ABCA1: variants seen among roughly 807,000 people sequenced by gnomAD.
ABCA1 encodes the protein ATP binding cassette subfamily A member 1, also known as phospholipid-transporting ATPase ABCA1.
A neutral mutation model predicts 262.5 loss-of-function variants in ABCA1; 133 were observed. The observed-to-expected ratio is 0.51, with a 90% confidence interval of 0.44 to 0.59. The LOEUF (loss-of-function observed/expected upper bound fraction) is 0.59. ABCA1 is among the 20% of genes least tolerant of loss of function. ABCA1 has a pLI of 0.00. For missense variants in ABCA1, 2,452 were observed against 2,777.5 expected (o/e 0.88, Z 2.63); for synonymous variants, 1,022 against 1,043.5 (o/e 0.98, Z 0.40).
At chr9:104,871,597 C>A (rs1249954488) in intron 5 of ABCA1, among the ~76,000 whole-genome samples, 2 of 152,008 alleles carry the variant, frequency 1.3e-5, no homozygotes, top group Non-Finnish European at 2.9e-5. Context: ...AATTTTGGAC[C>A]TGAACAGAAT....
Position 104,798,115 on chromosome 9 carries a change from G to C in ABCA1, c.5121+306C>G, listed in dbSNP as rs116060323. Among the ~76,000 whole-genome samples, 1,259 of 152,314 alleles carry C rather than the reference G, an allele frequency of 8.3e-3. 21 individuals are homozygous for C. The highest frequency in any genetic ancestry group is 0.028 in the African/African-American group (1,154 of 41,574). ...ACCCATCAGAGAAGTTAGAGGCATT[G>C]ACTTGGAGTTTTGACTTGTATCTCT... On this transcript the variant is annotated intron_variant, in intron 37 of 49. Coordinates refer to ENST00000374736, the MANE Select transcript of ABCA1 (RefSeq NM_005502.4).
intron 1 of ABCA1, among the ~76,000 whole-genome samples, chr9:104,910,084 G>A (rs2777795): frequency 0.092 from 14,002 of 152,120 alleles, 857 homozygotes; most frequent in South Asian, 0.21. Context: ...GGCTCCTATC[G>A]AAGGGTGACA....
At chr9:104,894,738 C>G (rs1451651848) in intron 2 of ABCA1, among the ~76,000 whole-genome samples, 1 of 152,238 alleles carries the variant, frequency 6.6e-6, no homozygotes, top group African/African-American at 2.4e-5. Context: ...GACACCTGCT[C>G]TCTCAAAGCC....
rs752266281 is a variant in ABCA1 at position 104,861,815 on chromosome 9, T to C, written c.422-15A>G. 68 of 1,608,114 alleles carry C rather than the reference T, an allele frequency of 4.2e-5. No individual in the cohort carries two copies. The highest frequency in any genetic ancestry group is 5.7e-5 in the Non-Finnish European group (67 of 1,177,670). On this transcript the variant is annotated splice_polypyrimidine_tract_variant and intron_variant, in intron 5 of 49. Coordinates refer to ENST00000374736, the MANE Select transcript of ABCA1 (RefSeq NM_005502.4). Reference sequence around the variant, plus strand: ...AAGCTTCAAGTCTATTGAGAAATAGTGTTTTATTTTTATTTAGTAAGTAAC... The same window carrying C: ...AAGCTTCAAGTCTATTGAGAAATAGCGTTTTATTTTTATTTAGTAAGTAAC...
chr9:104,833,420 GA>G (rs1284401766), intron 11 of ABCA1, among the ~76,000 whole-genome samples: 2 of 152,132 alleles, frequency 1.3e-5, no homozygotes, highest in Non-Finnish European at 2.9e-5. Context: ...GGGCTCAAGT[GA>G]TCCTCCCACC....
At chr9:104,858,128 G>GT (rs1836006194) in intron 7 of ABCA1, among the ~76,000 whole-genome samples, 2 of 151,946 alleles carry the variant, frequency 1.3e-5, no homozygotes, top group South Asian at 4.2e-4. Flanking sequence ...TTTATGATGG[G>GT]TTTTTAAACA....
In ABCA1 at chr9:104,837,016, G is replaced by A. The variant is rs780227168; in HGVS notation, c.1275C>T (p.Thr425=). The change falls in exon 11 of 50, where the codon ACC becomes ACT. Residue 425 remains threonine, a synonymous_variant. Transcript: ENST00000374736. Reference sequence around the variant, plus strand: ...CCATTTCTTGGCTGTTCTCCATGAAGGTCCAGATCTTGGGGCTGAGTTCCT... The same window carrying A: ...CCATTTCTTGGCTGTTCTCCATGAAAGTCCAGATCTTGGGGCTGAGTTCCT... ...MWEELSPKIW[T]FMENSQEMDL... is the part of the protein sequence containing the mutation. The A allele has an allele frequency of 6.2e-7, 1 of 1,614,168 alleles. No homozygotes were observed. Among genetic ancestry groups the A allele is most frequent in the South Asian group, 1.1e-5 (1 of 91,074 alleles).
chr9:104,832,339 T>C (rs955058818), intron 12 of ABCA1, among the ~76,000 whole-genome samples: 1 of 152,226 alleles, frequency 6.6e-6, no homozygotes, highest in African/African-American at 2.4e-5. Flanking sequence ...CTTGAGCCTA[T>C]ATAGAATAAG....
At chr9:104,880,201 GA>G (rs1210350898) in intron 5 of ABCA1, among the ~76,000 whole-genome samples, 1 of 152,220 alleles carries the variant, frequency 6.6e-6, no homozygotes, top group Non-Finnish European at 1.5e-5. Context: ...AGCCCTGGGA[GA>G]GACAGCACAG....
At chr9:104,818,915 G>A (rs752021105) in intron 22 of ABCA1, 32 bp from the exon 23 acceptor site, 2 of 1,571,698 alleles carry the variant, frequency 1.3e-6, no homozygotes, top group Non-Finnish European at 1.7e-6. Context: ...ATGTGGGACA[G>A]GTGAGGCCTC....
chr9:104,862,069 C>CACACACAT (rs1403298292), intron 5 of ABCA1, among the ~76,000 whole-genome samples: 1 of 148,836 alleles, frequency 6.7e-6, no homozygotes, highest in East Asian at 2.2e-4. Flanking sequence ...CACACACACA[C>CACACACAT]ACACACATAC....
intron 5 of ABCA1, among the ~76,000 whole-genome samples, chr9:104,875,345 C>G (rs1838063211): frequency 7.2e-6 from 1 of 138,164 alleles, no homozygotes; most frequent in Non-Finnish European, 1.6e-5. Context: ...GAGTGAGACT[C>G]CATCTCAAAA....
intron 2 of ABCA1, among the ~76,000 whole-genome samples, chr9:104,896,073 T>C (rs1411163360): frequency 6.6e-6 from 1 of 152,170 alleles, no homozygotes; most frequent in East Asian, 1.9e-4. Flanking sequence ...AAGGAAGAGA[T>C]GAAAATATCC....
chr9:104,926,700 C>T (rs938260456), intron 1 of ABCA1, among the ~76,000 whole-genome samples: 1 of 152,208 alleles, frequency 6.6e-6, no homozygotes, highest in Non-Finnish European at 1.5e-5. Flanking sequence ...CCCAGCCCCG[C>T]GGCGGAGCTC....
At chr9:104,861,619 A>C in intron 6 of ABCA1, 60 bp downstream of exon 6, 1 of 1,609,824 alleles carries the variant, frequency 6.2e-7, no homozygotes, top group South Asian at 1.1e-5. Context: ...ATTTCTTTCC[A>C]GTAGCTGCAC....
chr9:104,797,741 T>C (rs1830018076), intron 37 of ABCA1, among the ~76,000 whole-genome samples: 1 of 152,206 alleles, frequency 6.6e-6, no homozygotes, highest in African/African-American at 2.4e-5. Flanking sequence ...TCATATATCA[T>C]CTTATCTGGG....
At chr9:104,917,891 A>G (rs77755871) in intron 1 of ABCA1, among the ~76,000 whole-genome samples, 17,102 of 152,308 alleles carry the variant, frequency 0.11, 1,189 homozygotes, top group African/African-American at 0.2. Flanking sequence ...TCTTATACAT[A>G]GACTGTGAGA....
In ABCA1 at chr9:104,892,352, T is replaced by A. The variant is rs1012215241; in HGVS notation, c.67-3157A>T. 2.1e-5 allele frequency among the ~76,000 whole-genome samples: 3 copies of A among 145,854 alleles called. No individual in the cohort carries two copies. The Admixed American group carries it at 2.2e-4, about 11-fold the overall frequency. ...TATTTTTTAAGTTGAGATATACATA[T>A]ATATCACATTGCATATCTTAAAGAT... On this transcript the variant is annotated intron_variant, in intron 2 of 49. Coordinates refer to ENST00000374736, the MANE Select transcript of ABCA1 (RefSeq NM_005502.4).
rs758160890 is a variant in ABCA1, at chr9:104,822,488, C to G, written c.2828+8G>C. On this transcript the variant is annotated splice_region_variant and intron_variant, in intron 19 of 49. Transcript: ENST00000374736. ...GCTGATTCTGCGGGAACCACACCCT[C>G]TTCTTACATGGTGGTCGTCTTCCCC... is the stretch of plus-strand genomic sequence containing the variant. The G allele has an allele frequency of 2.5e-6, 4 of 1,613,060 alleles. No homozygotes were observed. The highest frequency in any genetic ancestry group is 8.5e-7 in the Non-Finnish European group (1 of 1,179,938).
Sources: allele counts gnomAD v4.1 joint callset (sites outside exome capture counted in the v4.1 genomes callset), GRCh38; gene constraint gnomAD v4.1.1; transcripts MANE v1.5; gene names NCBI Gene and HGNC (gene_info 2026-07-23, HGNC 2026-07-21).